Variants in ARID1B observed in about 807,000 individuals in gnomAD.
The protein encoded by ARID1B is AT-rich interaction domain 1B.
In ARID1B, 30 loss-of-function variants were observed where a neutral mutation model predicts 212.3. That is an observed-to-expected ratio of 0.14 (90% CI 0.11 to 0.19). The LOEUF is 0.19. Ranked by LOEUF, ARID1B falls within the 10% of genes least tolerant of loss-of-function variation. The pLI is 1.00. For missense variants in ARID1B, 2,891 were observed against 3,204.0 expected (o/e 0.90, Z 2.36); for synonymous variants, 1,402 against 1,301.7 (o/e 1.08, Z -1.66).
intron 4 of ARID1B, among the ~76,000 whole-genome samples, chr6:156,979,564 G>GTTT (rs10707720): frequency 1.4e-5 from 2 of 147,790 alleles, no homozygotes; most frequent in African/African-American, 2.5e-5. Flanking sequence ...AGCTGTTGCT[G>GTTT]TTTTTTTTTT....
At chr6:156,810,512 C>T (rs1235999219) in intron 1 of ARID1B, among the ~76,000 whole-genome samples, 1 of 152,166 alleles carries the variant, frequency 6.6e-6, no homozygotes, top group African/African-American at 2.4e-5. Context: ...AACTCTCTTG[C>T]TATTTCACAG....
chr6:157,187,550 C>T (rs920888226), intron 13 of ARID1B, among the ~76,000 whole-genome samples: 12 of 152,108 alleles, frequency 7.9e-5, no homozygotes, highest in African/African-American at 1.2e-4. Context: ...AGGTTCGTGC[C>T]GGGTAAATTA....
At chr6:156,926,120 T>TAATA (rs1457604255) in intron 3 of ARID1B, among the ~76,000 whole-genome samples, 1 of 152,150 alleles carries the variant, frequency 6.6e-6, no homozygotes, top group Non-Finnish European at 1.5e-5. Context: ...ACCAGGCCTT[T>TAATA]AAGAGGTGGG....
intron 11 of ARID1B, among the ~76,000 whole-genome samples, chr6:157,177,252 A>T (rs1319320137): frequency 1.3e-5 from 2 of 152,236 alleles, no homozygotes; most frequent in African/African-American, 4.8e-5. Flanking sequence ...ATGTCAGATT[A>T]TTGCTCTGTG....
chr6:157,160,477 C>T (rs930398107), intron 8 of ARID1B, among the ~76,000 whole-genome samples: 1 of 152,246 alleles, frequency 6.6e-6, no homozygotes, highest in East Asian at 1.9e-4. Flanking sequence ...TTGTGCTCCA[C>T]CACCTGTTCC....
rs1794652745 is a variant in ARID1B, at chr6:157,209,027, A to G, written c.*1136A>G. 4.3e-6 allele frequency: 1 copy of G among 230,568 alleles called. No homozygotes were observed. The highest frequency in any genetic ancestry group is 8.6e-6 in the Non-Finnish European group (1 of 116,482). The allele number at this position is 230,568 out of a possible 1,614,324, so 14.3% of individuals were successfully genotyped here. On this transcript the variant is annotated 3_prime_UTR_variant, in exon 20 of 20. Transcript: ENST00000636930. ...TAGAAAATGGTTACCAGTACAGTCA[A>G]AAAAGAGAAAATGAAAAAAATACAA... is the stretch of plus-strand genomic sequence containing the variant.
intron 4 of ARID1B, among the ~76,000 whole-genome samples, chr6:156,956,093 ACCAGTGG>A (rs953048084): frequency 6.6e-6 from 1 of 152,126 alleles, no homozygotes; most frequent in African/African-American, 2.4e-5. Flanking sequence ...GAAGACATGC[ACCAGTGG>A]CCTGGTACTG....
intron 8 of ARID1B, chr6:157,149,708 G>A (rs1790064429): frequency 6.6e-6 from 1 of 152,190 alleles, no homozygotes; most frequent in South Asian, 2.1e-4. Context: ...ATGTAAATAT[G>A]TTTTAAAGCA....
At position 157,186,504 on chromosome 6, in the gene ARID1B, C is replaced by T. The variant is rs368093090; in HGVS notation, c.3919+2069C>T. 2.6e-4 allele frequency: 123 copies of T among 471,192 alleles called. 1 individual carries two copies. Among genetic ancestry groups the T allele is most frequent in the South Asian group, 1.2e-3 (78 of 64,562 alleles). The allele number at this position is 471,192 out of a possible 1,614,324, so 29.2% of individuals were successfully genotyped here. On this transcript the variant is annotated intron_variant, in intron 13 of 19. Transcript: ENST00000636930. ...GCAGAGGCACCCTGGTCTTCAGAAG[C>T]CTCTCGATTCACTGCCACCCACACA...
At chr6:156,933,696 G>GA (rs1348201529) in intron 3 of ARID1B, among the ~76,000 whole-genome samples, 4 of 152,160 alleles carry the variant, frequency 2.6e-5, no homozygotes, top group African/African-American at 9.7e-5. Flanking sequence ...AATTCTCTTA[G>GA]AAAAATATGA....
At chr6:157,088,687 C>T (rs917809770) in intron 5 of ARID1B, among the ~76,000 whole-genome samples, 2 of 152,122 alleles carry the variant, frequency 1.3e-5, no homozygotes, top group Admixed American at 6.5e-5. Flanking sequence ...TTTACTTTCA[C>T]CTAAATGCAA....
intron 1 of ARID1B, among the ~76,000 whole-genome samples, chr6:156,800,171 A>G (rs1051337191): frequency 3.9e-5 from 6 of 152,244 alleles, no homozygotes; most frequent in African/African-American, 1.4e-4. Flanking sequence ...CAGAATCAGG[A>G]TGCATTTCAT....
At chr6:157,198,663 C>T in intron 16 of ARID1B, 148 bp from the exon 17 acceptor site, 1 of 603,552 alleles carries the variant, frequency 1.7e-6, no homozygotes, top group Non-Finnish European at 2.9e-6. Context: ...CGTGCAGCTG[C>T]CTCTCAGAGG....
intron 1 of ARID1B, among the ~76,000 whole-genome samples, chr6:156,786,454 TC>T (rs1779636833): frequency 4.6e-5 from 7 of 152,342 alleles, no homozygotes; most frequent in South Asian, 2.1e-4. Context: ...GACTTCTAGA[TC>T]CTGCCTAGTC....
chr6:157,029,848 T>G (rs538049675), intron 4 of ARID1B, among the ~76,000 whole-genome samples: 2 of 152,260 alleles, frequency 1.3e-5, no homozygotes, highest in East Asian at 3.9e-4. Context: ...TCGGCTTAAT[T>G]TTACGGTCTT....
intron 1 of ARID1B, among the ~76,000 whole-genome samples, chr6:156,798,127 G>A (rs554607567): frequency 1.8e-3 from 269 of 152,202 alleles, no homozygotes; most frequent in Non-Finnish European, 3.1e-3. Flanking sequence ...GAAGAGGAGC[G>A]GGGTGTTTGA....
intron 4 of ARID1B, among the ~76,000 whole-genome samples, chr6:157,020,657 A>T (rs774009283): frequency 6.6e-6 from 1 of 152,324 alleles, no homozygotes; most frequent in Admixed American, 6.5e-5. Context: ...TCAAAATATT[A>T]AACAGTGGTG....
chr6:157,165,359 C>T (rs1791254159), intron 8 of ARID1B, among the ~76,000 whole-genome samples: 1 of 152,186 alleles, frequency 6.6e-6, no homozygotes, highest in Admixed American at 6.5e-5. Flanking sequence ...AATCTTTCAG[C>T]TTCTAACAGT....
rs1781476941 is a variant in ARID1B at position 156,810,411 on chromosome 6, G to A, written c.1792-18816G>A. Among the ~76,000 whole-genome samples, 3 of 152,180 alleles carry A rather than the reference G, an allele frequency of 2.0e-5. No individual in the cohort carries two copies. The South Asian group carries it at 6.2e-4, about 31-fold the overall frequency. ...GGGGATTGAGGCCTGGGAGGTTGAG[G>A]AACTTGCCTCAGCTCCTGGAGCTGC... On this transcript the variant is annotated intron_variant, in intron 1 of 19. Coordinates refer to ENST00000636930, the MANE Select transcript of ARID1B (RefSeq NM_001374828.1).
Sources: gnomAD v4.1 joint callset for allele counts (sites outside exome capture counted in the v4.1 genomes callset) on GRCh38, gnomAD v4.1.1 for gene constraint, MANE v1.5 for transcripts, NCBI Gene and HGNC (gene_info 2026-07-23, HGNC 2026-07-21) for gene names.